The following E2F7 variants were observed in gnomAD, a reference collection of about 807,000 sequenced individuals.
E2F7 encodes transcription factor E2F7.
Under a neutral mutation model 81.1 loss-of-function variants are expected in E2F7, and 35 were observed. That is an observed-to-expected ratio of 0.43 (90% CI 0.33 to 0.57). The LOEUF (loss-of-function observed/expected upper bound fraction) is 0.57. E2F7 is among the 20% of genes least tolerant of loss of function. The pLI is 0.04. For missense variants in E2F7, 961 were observed against 1,093.7 expected (o/e 0.88, Z 1.71); for synonymous variants, 416 against 416.2 (o/e 1.00, Z 0.01).
chr12:77,050,021 T>C (rs891710636), intron 4 of E2F7, among the ~76,000 whole-genome samples: 5 of 152,202 alleles, frequency 3.3e-5, no homozygotes, highest in African/African-American at 7.2e-5. Flanking sequence ...TCTCACATCA[T>C]ACACTCATGC....
At chr12:77,059,221 C>G (rs1396241816) in intron 2 of E2F7, among the ~76,000 whole-genome samples, 2 of 152,056 alleles carry the variant, frequency 1.3e-5, no homozygotes, top group Non-Finnish European at 2.9e-5. Context: ...TACACCTCTA[C>G]ATCAAGAAAA....
intron 11 of E2F7, among the ~76,000 whole-genome samples, chr12:77,027,639 T>A (rs372404315): frequency 6.6e-6 from 1 of 152,328 alleles, no homozygotes; most frequent in East Asian, 1.9e-4. Context: ...TTTCACCAAA[T>A]AATGTTTAAT....
At chr12:77,044,600 T>C in intron 6 of E2F7, 37 bp downstream of exon 6, 1 of 1,604,432 alleles carries the variant, frequency 6.2e-7, no homozygotes, top group African/African-American at 1.3e-5. Context: ...TCCCACCCTT[T>C]ATGTGCTAGT....
intron 2 of E2F7, among the ~76,000 whole-genome samples, chr12:77,057,179 A>G (rs1204671731): frequency 6.6e-6 from 1 of 152,026 alleles, no homozygotes; most frequent in African/African-American, 2.4e-5. Context: ...CAGCCTCCCA[A>G]AGTGCTGGGA....
chr12:77,061,719 C>T lies in E2F7; in HGVS notation c.93+2824G>A, dbSNP rs555229257. Among the ~76,000 whole-genome samples the T allele has an allele frequency of 1.1e-4, 16 of 152,302 alleles. No individual in the cohort carries two copies. In the South Asian group the frequency reaches 2.7e-3, roughly 26 times the overall value. On this transcript the variant is annotated intron_variant, in intron 2 of 12. Transcript: ENST00000322886. ...CCAAGAAAGAAATCCTCTAAATGAC[C>T]GCTGATCCAGCAAGACACCACTCCA...
rs765857574 is a variant in E2F7, at chr12:77,025,737, C to G, written c.2386G>C (p.Val796Leu). ...PGLGSIAQLL[V>L]GPTAVVNPKS... ...GGATTAACCACAGCTGTGGGGCCGA[C>G]GAGAAGCTGGGCTATTGATCCAAGG... The change falls in exon 12 of 13, where the codon GTC becomes CTC. Residue 796 changes from valine to leucine, a missense_variant. Val to Leu is a conservative substitution (Grantham distance 32). Around this residue, in one of 3 missense-constraint regions of E2F7, gnomAD observed 587 missense variants for 620.3 expected, o/e 0.95. Transcript: ENST00000322886. 6.2e-7 allele frequency: 1 copy of G among 1,613,948 alleles called. No individual in the cohort carries two copies. Among genetic ancestry groups the G allele is most frequent in the Admixed American group, 1.7e-5 (1 of 59,988 alleles).
chr12:77,034,176 A>C (rs951056686), intron 7 of E2F7, 134 bp from the exon 8 acceptor site: 29 of 693,104 alleles, frequency 4.2e-5, no homozygotes, highest in Non-Finnish European at 6.0e-5. Flanking sequence ...TAAGACAATC[A>C]AAGGAATTTT....
chr12:77,045,879 TG>T, intron 5 of E2F7, 158 bp downstream of exon 5: 1 of 929,738 alleles, frequency 1.1e-6, no homozygotes, highest in Non-Finnish European at 1.6e-6. Flanking sequence ...GCAGTCCAGT[TG>T]GGGAGCCATC....
Position 77,055,837 on chromosome 12 carries a change from G to A in E2F7, c.369+18C>T. On this transcript the variant is annotated intron_variant, in intron 3 of 12. Transcript: ENST00000322886. ...TGTTTAAGTTCTAAAAAATCCCTGA[G>A]GAGCACAGTCTGTTTACCTGTAGAG... 1 of 1,565,538 alleles carries A rather than the reference G, an allele frequency of 6.4e-7. No individual in the cohort carries two copies. Among genetic ancestry groups the A allele is most frequent in the South Asian group, 1.2e-5 (1 of 82,626 alleles).
intron 1 of E2F7, 59 bp downstream of exon 1, chr12:77,065,286 G>A (rs7965356): frequency 0.13 from 19,884 of 152,394 alleles, 1,424 homozygotes; most frequent in South Asian, 0.26. Flanking sequence ...AGCCGGGGCG[G>A]GAGTGGGCCC....
intron 2 of E2F7, among the ~76,000 whole-genome samples, chr12:77,062,308 ACTTT>A (rs1400874502): frequency 6.6e-5 from 10 of 152,200 alleles, no homozygotes; most frequent in African/African-American, 2.4e-4. Flanking sequence ...TTGTTGAAAG[ACTTT>A]CTAAGTATAT....
chr12:77,043,418 C>T (rs1954910705), intron 6 of E2F7, among the ~76,000 whole-genome samples: 1 of 152,016 alleles, frequency 6.6e-6, no homozygotes, highest in Admixed American at 6.6e-5. Flanking sequence ...TCCATTTCCA[C>T]AACTTCACAC....
Position 77,028,135 on chromosome 12 carries a change from G to A in E2F7, c.1888C>T (p.Pro630Ser), listed in dbSNP as rs1008159617. 1 of 1,610,416 alleles carries A rather than the reference G, an allele frequency of 6.2e-7. No homozygotes were observed. Among genetic ancestry groups the A allele is most frequent in the Admixed American group, 1.7e-5 (1 of 59,534 alleles). ...GPLSLVMPKKPSDSTDLASPK... is the reference protein window; with the variant it reads ...GPLSLVMPKKSSDSTDLASPK... ...GAGGCAAGGTCTGTGGAATCTGAGG[G>A]TTTCTAAACACAACCAAACCAGGAA... is the stretch of plus-strand genomic sequence containing the variant. Residue 630 changes from proline (P) to serine (S), a missense_variant, in exon 11 of 13, where the codon CCC (proline) becomes TCC (serine). Around this residue, in one of 3 missense-constraint regions of E2F7, gnomAD observed 587 missense variants for 620.3 expected, o/e 0.95. Coordinates refer to ENST00000322886, the MANE Select transcript of E2F7 (RefSeq NM_203394.3).
chr12:77,045,824 G>A (rs977930486), intron 5 of E2F7: 2 of 565,824 alleles, frequency 3.5e-6, no homozygotes, highest in East Asian at 2.9e-5. Context: ...GGCCAAACTC[G>A]AGTGAACTGC....
rs1281403421 is a variant in E2F7, at chr12:77,021,881, T to A, written c.*2134A>T. 1 of 152,176 alleles carries A rather than the reference T, an allele frequency of 6.6e-6. No individual in the cohort carries two copies. Among genetic ancestry groups the A allele is most frequent in the African/African-American group, 2.4e-5 (1 of 41,446 alleles). 9.4% of individuals were successfully genotyped at this position (152,176 alleles called of 1,614,324 possible). On this transcript the variant is annotated 3_prime_UTR_variant, in exon 13 of 13. Coordinates refer to ENST00000322886, the MANE Select transcript of E2F7 (RefSeq NM_203394.3). ...TATTATTTTTACATATAAAGCCACA[T>A]TAAGAAGTGGATACTGAATACAGAA...
intron 10 of E2F7, 35 bp from the exon 11 acceptor site, chr12:77,028,173 GT>G (rs1206168347): frequency 1.9e-6 from 3 of 1,579,368 alleles, no homozygotes; most frequent in Non-Finnish European, 2.6e-6. Context: ...AAGAAAGTAA[GT>G]TAAAATTCCA....
rs1027570926 is a variant in E2F7, at chr12:77,028,067, G to A, written c.1956C>T (p.Asp652=). Residue 652 remains aspartate (D), a synonymous_variant, in exon 11 of 13, where the codon GAC becomes GAT. Transcript: ENST00000322886. ...CAGGGAGTTGGCCATTCACATGAAT[G>A]TCTTTGAGGGGTATAGATGCCCTGT... ...MGNRASIPLK[D]IHVNGQLPAA... 3.1e-6 allele frequency: 5 copies of A among 1,614,092 alleles called. No individual in the cohort carries two copies. In the African/African-American group the frequency reaches 5.3e-5, roughly 17 times the overall value.
intron 2 of E2F7, among the ~76,000 whole-genome samples, chr12:77,062,187 A>G (rs1202297043): frequency 6.6e-6 from 1 of 152,196 alleles, no homozygotes; most frequent in Non-Finnish European, 1.5e-5. Flanking sequence ...ACAAAAACTC[A>G]ATGTGGGGAG....
rs1954727192 is a variant in E2F7 at position 77,023,085 on chromosome 12, C to T, written c.*930G>A. On this transcript the variant is annotated 3_prime_UTR_variant, in exon 13 of 13. Transcript: ENST00000322886. ...TTTCCATATAATCACTTTCTACCAT[C>T]CTGATTTATTTTACAAACAGCAATT... 1.3e-5 allele frequency: 2 copies of T among 152,214 alleles called. No individual in the cohort carries two copies. The highest frequency in any genetic ancestry group is 4.8e-5 in the African/African-American group (2 of 41,470). The allele number at this position is 152,214 out of a possible 1,614,324, so 9.4% of individuals were successfully genotyped here. A position where few individuals can be genotyped will look rare whatever the true frequency, so the allele number is the denominator to read the frequency against.
Sources: gnomAD v4.1 joint callset for allele counts (sites outside exome capture counted in the v4.1 genomes callset) on GRCh38, gnomAD v4.1.1 for gene constraint, gnomAD v4.1.1 regional missense constraint, MANE v1.5 for transcripts, NCBI Gene and HGNC (gene_info 2026-07-23, HGNC 2026-07-21) for gene names.